ARFGEF2: variants seen among roughly 807,000 people sequenced by gnomAD.
The protein encoded by ARFGEF2 is brefeldin A-inhibited guanine nucleotide-exchange protein 2.
Under a neutral mutation model 219.9 loss-of-function variants are expected in ARFGEF2, and 74 were observed. The ratio of observed to expected loss-of-function variants is 0.34; its 90% CI spans 0.28 to 0.41. The LOEUF (loss-of-function observed/expected upper bound fraction) is 0.41. Among genes scored for constraint, ARFGEF2 ranks in the 10% least tolerant of loss-of-function variants. The pLI, the probability that ARFGEF2 is intolerant of heterozygous loss-of-function variation, is 1.00. For synonymous variants in ARFGEF2, 733 were observed against 799.2 expected (o/e 0.92, Z 1.40); for missense variants, 1,743 against 2,218.3 (o/e 0.79, Z 4.30).
At chr20:48,934,966 C>CA (rs1285152837) in intron 1 of ARFGEF2, among the ~76,000 whole-genome samples, 1 of 152,170 alleles carries the variant, frequency 6.6e-6, no homozygotes, top group African/African-American at 2.4e-5. Context: ...TTTACACTCC[C>CA]ACCAACAGTG....
intron 23 of ARFGEF2, among the ~76,000 whole-genome samples, chr20:48,996,992 A>G (rs1266187897): frequency 1.3e-5 from 2 of 151,968 alleles, no homozygotes; most frequent in African/African-American, 4.8e-5. Context: ...TGTTCTGGAC[A>G]TTGTTCCATT....
chr20:49,013,732 G>C, intron 29 of ARFGEF2, 38 bp downstream of exon 29: 1 of 1,613,962 alleles, frequency 6.2e-7, no homozygotes, highest in Non-Finnish European at 8.5e-7. Flanking sequence ...TTACATCACT[G>C]AAATGAACCT....
At chr20:48,929,589 C>G (rs2090900606) in intron 1 of ARFGEF2, among the ~76,000 whole-genome samples, 1 of 152,148 alleles carries the variant, frequency 6.6e-6, no homozygotes, top group Admixed American at 6.5e-5. Flanking sequence ...GGAAAGAAAC[C>G]TGGTTCTGCC....
At chr20:49,030,880 T>C (rs6012586) in intron 37 of ARFGEF2, among the ~76,000 whole-genome samples, 54,873 of 151,856 alleles carry the variant, frequency 0.36, 10,732 homozygotes, top group African/African-American at 0.53. Context: ...TAATCCCAGC[T>C]ACTCGGGAGG....
At chr20:48,938,482 A>T (rs924185272) in intron 1 of ARFGEF2, among the ~76,000 whole-genome samples, 2 of 152,160 alleles carry the variant, frequency 1.3e-5, no homozygotes, top group Non-Finnish European at 2.9e-5. Flanking sequence ...TTTGAGGTGC[A>T]TTGATAATTG....
At chr20:48,973,353 C>T (rs2091240177) in intron 12 of ARFGEF2, 69 bp downstream of exon 12, 1 of 1,521,184 alleles carries the variant, frequency 6.6e-7, no homozygotes, top group Non-Finnish European at 9.0e-7. Flanking sequence ...TTGAGTGCCA[C>T]CACATGCCAG....
intron 37 of ARFGEF2, among the ~76,000 whole-genome samples, chr20:49,030,044 A>G (rs957001914): frequency 1.3e-5 from 2 of 150,282 alleles, no homozygotes; most frequent in Admixed American, 6.7e-5. Context: ...AGTAGCTGGG[A>G]CTACAGGCGT....
At chr20:49,005,873 C>T (rs1161424315) in intron 26 of ARFGEF2, among the ~76,000 whole-genome samples, 3 of 152,094 alleles carry the variant, frequency 2.0e-5, no homozygotes, top group Non-Finnish European at 2.9e-5. Context: ...CATCACTTCT[C>T]CCCCAGGGAG....
At position 49,033,481 on chromosome 20, in the gene ARFGEF2, T is replaced by C. The variant is rs2091649268; in HGVS notation, c.*282T>C. 1 of 417,802 alleles carries C rather than the reference T, an allele frequency of 2.4e-6. No individual in the cohort carries two copies. Among genetic ancestry groups the C allele is most frequent in the South Asian group, 3.0e-5 (1 of 32,944 alleles). The allele number at this position is 417,802 out of a possible 1,614,324, so 25.9% of individuals were successfully genotyped here. On this transcript the variant is annotated 3_prime_UTR_variant, in exon 39 of 39. Transcript: ENST00000371917. ...AAACTGTCAAATCTGTCATTGCATA[T>C]GCCATCGTTTTCTAGCAAAATCCCA... is the stretch of plus-strand genomic sequence containing the variant.
chr20:49,015,709 A>G (rs1012474537), intron 30 of ARFGEF2, among the ~76,000 whole-genome samples: 2 of 152,220 alleles, frequency 1.3e-5, no homozygotes, highest in African/African-American at 2.4e-5. Context: ...CTATTTCTCC[A>G]TATTCATTCC....
chr20:48,972,703 G>T (rs1314368694), intron 11 of ARFGEF2, among the ~76,000 whole-genome samples: 1 of 152,156 alleles, frequency 6.6e-6, no homozygotes, highest in Non-Finnish European at 1.5e-5. Context: ...TACAAGCTGA[G>T]TACTGTTAAT....
At position 49,011,916 on chromosome 20, in the gene ARFGEF2, T is replaced by G. The variant is rs2091501247; in HGVS notation, c.3758-8T>G. 1.2e-6 allele frequency: 2 copies of G among 1,614,182 alleles called. No homozygotes were observed. Among genetic ancestry groups the G allele is most frequent in the Non-Finnish European group, 1.7e-6 (2 of 1,180,034 alleles). On this transcript the variant is annotated splice_region_variant and splice_polypyrimidine_tract_variant and intron_variant, in intron 27 of 38. Transcript: ENST00000371917. ...GTCTTATGAAAAATGTGCCTTGTGT[T>G]CCCCCAGCAACTATTTTCCAGCACC...
chr20:48,990,386 G>A (rs906210531), intron 20 of ARFGEF2, among the ~76,000 whole-genome samples: 2 of 152,142 alleles, frequency 1.3e-5, no homozygotes, highest in African/African-American at 4.8e-5. Flanking sequence ...GAATATGTCT[G>A]TAAACCTTTG....
chr20:48,942,854 G>A (rs2091002320), intron 3 of ARFGEF2, among the ~76,000 whole-genome samples: 1 of 152,114 alleles, frequency 6.6e-6, no homozygotes, highest in African/African-American at 2.4e-5. Flanking sequence ...AGGAACTACA[G>A]GGTTAGGTTC....
chr20:49,028,799 T>C lies in ARFGEF2; in HGVS notation c.5063+131T>C, dbSNP rs1600561703. On this transcript the variant is annotated intron_variant, in intron 37 of 38. Transcript: ENST00000371917. ...TGACAAATTTTTTTTTCTTTCTATT[T>C]GGTGACTCTCCCATTTCACTTTTCT... The C allele has an allele frequency of 3.2e-6, 3 of 935,844 alleles. No individual in the cohort carries two copies. The East Asian group carries it at 7.9e-5, about 25-fold the overall frequency. 58.0% of individuals were successfully genotyped at this position (935,844 alleles called of 1,614,324 possible).
rs1192390709 is a variant in ARFGEF2 at position 48,994,497 on chromosome 20, C to A, written c.3020C>A (p.Thr1007Asn). The A allele has an allele frequency of 6.2e-7, 1 of 1,613,886 alleles. No homozygotes were observed. The highest frequency in any genetic ancestry group is 1.3e-5 in the African/African-American group (1 of 74,864). ...SQLELAQLIG[T>N]GVKTRYLSGS... The stretch of plus-strand genomic sequence containing the variant: ...CTGGAGCTCGCTCAGCTGATAGGAA[C>A]CGGTGTGAAGACGCGCTACCTGTCT... Residue 1007 changes from threonine to asparagine, a missense_variant, in exon 22 of 39, where the codon ACC (threonine) becomes AAC (asparagine). Thr to Asn is a moderately conservative substitution (Grantham distance 65). This residue lies in a region of ARFGEF2 where 666 missense variants were observed against 955.4 expected (regional missense o/e 0.70). Transcript: ENST00000371917.
At chr20:48,994,732 A>G (rs920915938) in intron 22 of ARFGEF2, 134 bp downstream of exon 22, 1 of 1,318,116 alleles carries the variant, frequency 7.6e-7, no homozygotes, top group Admixed American at 2.0e-5. Flanking sequence ...CATGAATGCA[A>G]GTGGACGTGC....
intron 11 of ARFGEF2, 135 bp from the exon 12 acceptor site, chr20:48,973,009 AT>A (rs2091237961): frequency 5.4e-6 from 5 of 932,366 alleles, no homozygotes; most frequent in Non-Finnish European, 8.5e-6. Context: ...TACTTCCAAC[AT>A]GTGTTTCCTG....
intron 16 of ARFGEF2, among the ~76,000 whole-genome samples, chr20:48,986,790 C>G (rs911072690): frequency 6.6e-6 from 1 of 152,154 alleles, no homozygotes; most frequent in African/African-American, 2.4e-5. Context: ...GCCTGGATCT[C>G]CTGGGCTCAA....
Sources: gnomAD v4.1 joint callset for allele counts (sites outside exome capture counted in the v4.1 genomes callset) on GRCh38, gnomAD v4.1.1 for gene constraint, gnomAD v4.1.1 regional missense constraint, MANE v1.5 for transcripts, NCBI Gene and HGNC (gene_info 2026-07-23, HGNC 2026-07-21) for gene names.